The following ITGB3 variants were observed in gnomAD, a reference collection of about 807,000 sequenced individuals.
ITGB3 encodes integrin subunit beta 3, also known as integrin beta-3.
In ITGB3, 48 loss-of-function variants were observed where a neutral mutation model predicts 85.8. The observed-to-expected ratio is 0.56, with a 90% CI of 0.44 to 0.71. ITGB3 has a LOEUF of 0.71. Ranked by LOEUF, ITGB3 falls within the 30% of genes least tolerant of loss-of-function variation. The pLI, the probability that ITGB3 is intolerant of heterozygous loss-of-function variation, is 0.00. For synonymous variants in ITGB3, 363 were observed against 395.6 expected, an observed-to-expected ratio of 0.92 and a Z score of 0.98; for missense variants, 861 against 1,019.1, an observed-to-expected ratio of 0.84 and a Z score of 2.11.
intron 14 of ITGB3, among the ~76,000 whole-genome samples, chr17:47,308,160 A>T (rs372924795): frequency 7.2e-6 from 1 of 138,546 alleles, no homozygotes; most frequent in Non-Finnish European, 1.5e-5. Context: ...TCGGTCTCAA[A>T]AATAATAATA....
At chr17:47,285,541 T>A (rs1180632845) in intron 4 of ITGB3, among the ~76,000 whole-genome samples, 1 of 152,030 alleles carries the variant, frequency 6.6e-6, no homozygotes, top group Non-Finnish European at 1.5e-5. Context: ...TGATTGAGCC[T>A]GGGAGGTTGA....
rs1174119222 is a variant in ITGB3, at chr17:47,307,628, A to T, written c.2292A>T (p.Lys764Asn). The T allele has an allele frequency of 6.2e-7, 1 of 1,614,054 alleles. No individual in the cohort carries two copies. Among genetic ancestry groups the T allele is most frequent in the African/African-American group, 1.3e-5 (1 of 74,930 alleles). ...AKFEEERARA[K>N]WDTANNPLYK... ...TTGAGGAAGAACGCGCCAGAGCAAA[A>T]TGGGACACAGTAAGAGACGGGGCTG... Residue 764 changes from lysine to asparagine, a missense_variant, in exon 14 of 15, where the codon AAA (lysine) becomes AAT (asparagine). Lys to Asn is a moderately conservative substitution (Grantham distance 94). Transcript: ENST00000559488.
intron 14 of ITGB3, 106 bp downstream of exon 14, chr17:47,307,743 C>T: frequency 9.2e-7 from 1 of 1,085,720 alleles, no homozygotes; most frequent in Non-Finnish European, 1.4e-6. Flanking sequence ...ATCGTCTTTC[C>T]ATTATCCTCT....
At chr17:47,308,914 G>A (rs538511756) in intron 14 of ITGB3, among the ~76,000 whole-genome samples, 55 of 151,946 alleles carry the variant, frequency 3.6e-4, no homozygotes, top group African/African-American at 1.3e-3. Context: ...TTTGTGGATA[G>A]TGCTTTCTCT....
intron 10 of ITGB3, among the ~76,000 whole-genome samples, chr17:47,294,685 C>G (rs2065139259): frequency 6.6e-6 from 1 of 152,186 alleles, no homozygotes; most frequent in Non-Finnish European, 1.5e-5. Flanking sequence ...TACTCAGGGG[C>G]GCACATCATT....
intron 11 of ITGB3, 130 bp from the exon 12 acceptor site, chr17:47,300,342 CGCGCGT>C (rs1402912125): frequency 1.3e-4 from 88 of 696,796 alleles, no homozygotes; most frequent in Middle Eastern, 7.4e-4. Context: ...CAGGCGCGCG[CGCGCGT>C]GTGTGTGTGT....
At chr17:47,276,850 A>C (rs2065065684) in intron 2 of ITGB3, among the ~76,000 whole-genome samples, 1 of 152,188 alleles carries the variant, frequency 6.6e-6, no homozygotes, top group Admixed American at 6.5e-5. Context: ...CCAAAGGTGA[A>C]CTGGCTGGTC....
chr17:47,276,212 C>T (rs1485053224), intron 2 of ITGB3, among the ~76,000 whole-genome samples: 1 of 152,134 alleles, frequency 6.6e-6, no homozygotes, highest in Non-Finnish European at 1.5e-5. Context: ...CCCAGAGAAT[C>T]TGGGGAAAAA....
chr17:47,283,276 A>T (rs1306923140), intron 2 of ITGB3, 78 bp from the exon 3 acceptor site: 43 of 1,369,710 alleles, frequency 3.1e-5, no homozygotes, highest in Non-Finnish European at 4.4e-5. Context: ...AGCTATTGGG[A>T]AGTGGTAGGG....
At chr17:47,310,002 G>T in intron 14 of ITGB3, 137 bp from the exon 15 acceptor site, 3 of 723,792 alleles carry the variant, frequency 4.1e-6, no homozygotes, top group Non-Finnish European at 4.9e-6. Flanking sequence ...TGAGCAAAAT[G>T]AACATTATTC....
intron 2 of ITGB3, among the ~76,000 whole-genome samples, chr17:47,283,092 A>T (rs1226917205): frequency 1.0e-4 from 15 of 149,148 alleles, no homozygotes; most frequent in African/African-American, 3.7e-4. Flanking sequence ...TTTTTGGTAG[A>T]GACGGGGTCT....
At chr17:47,256,638 C>T (rs925553551) in intron 1 of ITGB3, among the ~76,000 whole-genome samples, 2 of 152,124 alleles carry the variant, frequency 1.3e-5, no homozygotes, top group African/African-American at 2.4e-5. Context: ...AGCTGAGTGG[C>T]ACAGAGAGGT....
chr17:47,272,426 C>T (rs1354957626), intron 1 of ITGB3, among the ~76,000 whole-genome samples: 3 of 151,936 alleles, frequency 2.0e-5, no homozygotes, highest in Non-Finnish European at 4.4e-5. Context: ...GACAGAGTCT[C>T]GCACTATTGC....
In ITGB3 at chr17:47,312,678, C is replaced by T. The variant is rs2065220313; in HGVS notation, c.*2474C>T. ...AATCAAATCAGGAATCTTGTCTGAG[C>T]TACTGGAATGAAGTTCACAGGTCTT... On this transcript the variant is annotated 3_prime_UTR_variant, in exon 15 of 15. Coordinates refer to ENST00000559488, the MANE Select transcript of ITGB3 (RefSeq NM_000212.3). Among the ~76,000 whole-genome samples, 1 of 152,178 alleles carries T rather than the reference C, an allele frequency of 6.6e-6. No individual in the cohort carries two copies. The highest frequency in any genetic ancestry group is 6.5e-5 in the Admixed American group (1 of 15,280).
chr17:47,304,843 A>G (rs1442267555), intron 13 of ITGB3, among the ~76,000 whole-genome samples: 2 of 152,134 alleles, frequency 1.3e-5, no homozygotes, highest in East Asian at 3.9e-4. Flanking sequence ...CCTGACTTCA[A>G]GTGATCTGGC....
chr17:47,310,426 T>G lies in ITGB3; in HGVS notation c.*222T>G. ...GTGTGTGGGAGTGTGTAATTTAAAA[T>G]TGTGATGTGTCCTGATAAGCTGAGC... is the stretch of plus-strand genomic sequence containing the variant. On this transcript the variant is annotated 3_prime_UTR_variant, in exon 15 of 15. Coordinates refer to ENST00000559488, the MANE Select transcript of ITGB3 (RefSeq NM_000212.3). 1 of 632,376 alleles carries G rather than the reference T, an allele frequency of 1.6e-6. No homozygotes were observed. The highest frequency in any genetic ancestry group is 4.2e-4 in the Middle Eastern group (1 of 2,402). The allele number at this position is 632,376 out of a possible 1,614,324, so 39.2% of individuals were successfully genotyped here. A position where few individuals can be genotyped will look rare whatever the true frequency, so the allele number is the denominator to read the frequency against.
At chr17:47,288,236 G>C (rs890701511) in intron 6 of ITGB3, among the ~76,000 whole-genome samples, 3 of 79,526 alleles carry the variant, frequency 3.8e-5, no homozygotes, top group African/African-American at 1.3e-4. Context: ...GAGAGAGAGA[G>C]AGAGAAAGAG....
At chr17:47,271,421 G>A (rs902699770) in intron 1 of ITGB3, among the ~76,000 whole-genome samples, 7 of 152,280 alleles carry the variant, frequency 4.6e-5, no homozygotes, top group East Asian at 1.9e-4. Flanking sequence ...CCAGTAAGAC[G>A]TTAGGAGTAG....
intron 4 of ITGB3, among the ~76,000 whole-genome samples, chr17:47,285,491 T>G (rs2065099329): frequency 6.6e-6 from 1 of 152,088 alleles, no homozygotes; most frequent in African/African-American, 2.4e-5. Context: ...GGCGCATGCC[T>G]GCAGTCCCCA....
Sources: allele counts gnomAD v4.1 joint callset (sites outside exome capture counted in the v4.1 genomes callset), GRCh38; gene constraint gnomAD v4.1.1; transcripts MANE v1.5; gene names NCBI Gene and HGNC (gene_info 2026-07-23, HGNC 2026-07-21).